B3GALT1: variants seen among roughly 807,000 people sequenced by gnomAD.
The protein encoded by B3GALT1 is UDP-Gal:betaGlcNAc beta 1,3-galactosyltransferase, polypeptide 1.
In B3GALT1, 10 loss-of-function variants were observed where a neutral mutation model predicts 23.2. The ratio of observed to expected loss-of-function variants is 0.43; its 90% CI spans 0.27 to 0.73. The LOEUF (loss-of-function observed/expected upper bound fraction) is 0.73, where lower values mean the gene tolerates loss of function less well. Ranked by LOEUF, B3GALT1 falls within the 30% of genes least tolerant of loss-of-function variation. B3GALT1 has a pLI of 0.21. For missense variants in B3GALT1, 299 were observed against 405.4 expected (o/e 0.74, Z 2.25); for synonymous variants, 156 against 141.5 (o/e 1.10, Z -0.73).
chr2:167,692,740 C>T (rs1379545116), intron 3 of B3GALT1, among the ~76,000 whole-genome samples: 1 of 152,048 alleles, frequency 6.6e-6, no homozygotes, highest in Non-Finnish European at 1.5e-5. Flanking sequence ...AACTCCAAAT[C>T]ATGAAAATCA....
chr2:167,412,406 A>C (rs890456285), intron 1 of B3GALT1, among the ~76,000 whole-genome samples: 27 of 152,220 alleles, frequency 1.8e-4, no homozygotes, highest in African/African-American at 6.5e-4. Context: ...ACAAATTGAT[A>C]ATCAAATGCA....
At chr2:167,337,352 C>G (rs577882981) in intron 1 of B3GALT1, among the ~76,000 whole-genome samples, 2 of 146,906 alleles carry the variant, frequency 1.4e-5, no homozygotes, top group Admixed American at 1.3e-4. Context: ...TGCGTGCTCA[C>G]ACACACACAC....
intron 2 of B3GALT1, among the ~76,000 whole-genome samples, chr2:167,615,168 G>A (rs1685138786): frequency 6.6e-6 from 1 of 152,032 alleles, no homozygotes; most frequent in Non-Finnish European, 1.5e-5. Context: ...AGAAATTGTA[G>A]TGTATATGCA....
At chr2:167,340,314 A>G (rs922734092) in intron 1 of B3GALT1, among the ~76,000 whole-genome samples, 5 of 112,492 alleles carry the variant, frequency 4.4e-5, no homozygotes, top group Non-Finnish European at 8.5e-5. Context: ...GTACAGGGAG[A>G]AAAAAAAAAA....
chr2:167,704,439 AT>A (rs1686939044), intron 3 of B3GALT1, among the ~76,000 whole-genome samples: 1 of 152,110 alleles, frequency 6.6e-6, no homozygotes, highest in Non-Finnish European at 1.5e-5. Flanking sequence ...AACCTTCCTA[AT>A]CCTTCTAAGC....
intron 3 of B3GALT1, among the ~76,000 whole-genome samples, chr2:167,790,098 C>T (rs1259074047): frequency 5.9e-5 from 9 of 152,090 alleles, no homozygotes; most frequent in Admixed American, 3.9e-4. Flanking sequence ...TCCCCTAGTC[C>T]GATAAATCTT....
intron 3 of B3GALT1, among the ~76,000 whole-genome samples, chr2:167,679,092 T>A (rs867652797): frequency 6.7e-6 from 1 of 148,584 alleles, no homozygotes. Flanking sequence ...CAACATTGTT[T>A]TTTGTTTTTG....
intron 3 of B3GALT1, among the ~76,000 whole-genome samples, chr2:167,685,213 A>C (rs950160093): frequency 1.3e-5 from 2 of 152,248 alleles, no homozygotes; most frequent in African/African-American, 4.8e-5. Flanking sequence ...TATTAAGCAC[A>C]TAAGTGTCAA....
At chr2:167,611,916 C>T (rs1685074485) in intron 2 of B3GALT1, among the ~76,000 whole-genome samples, 1 of 151,920 alleles carries the variant, frequency 6.6e-6, no homozygotes, top group African/African-American at 2.4e-5. Context: ...GAAATAAAAT[C>T]CATCATATTT....
intron 3 of B3GALT1, among the ~76,000 whole-genome samples, chr2:167,723,697 A>AT (rs1687267493): frequency 6.6e-6 from 1 of 151,802 alleles, no homozygotes; most frequent in Admixed American, 6.6e-5. Context: ...CACCCAGCTA[A>AT]TTTTTGTATT....
At chr2:167,584,580 C>T (rs1378995194) in intron 2 of B3GALT1, among the ~76,000 whole-genome samples, 1 of 152,184 alleles carries the variant, frequency 6.6e-6, no homozygotes, top group Non-Finnish European at 1.5e-5. Flanking sequence ...AGGTTGGGAG[C>T]TCAGTCCCCA....
chr2:167,663,350 C>T (rs943743330), intron 3 of B3GALT1, among the ~76,000 whole-genome samples: 19 of 151,798 alleles, frequency 1.3e-4, no homozygotes, highest in South Asian at 1.0e-3. Context: ...TTTCTTAATC[C>T]GGTCTATCAT....
At chr2:167,444,731 A>G (rs567978341) in intron 1 of B3GALT1, among the ~76,000 whole-genome samples, 1 of 152,022 alleles carries the variant, frequency 6.6e-6, no homozygotes, top group African/African-American at 2.4e-5. Context: ...ATCATTTTTT[A>G]TTGCATCTAT....
rs146472822 is a variant in B3GALT1, at chr2:167,520,877, A to G, written c.-410+30600A>G. Reference sequence around the variant, plus strand: ...AAGTTGGCTCAACGTTTACTTTTTCAGTCAGAATTGTATAAGCTGAATTAA... The same window carrying G: ...AAGTTGGCTCAACGTTTACTTTTTCGGTCAGAATTGTATAAGCTGAATTAA... On this transcript the variant is annotated intron_variant, in intron 2 of 4. Coordinates refer to ENST00000392690, the MANE Select transcript of B3GALT1 (RefSeq NM_020981.4). 1.2e-3 allele frequency among the ~76,000 whole-genome samples: 180 copies of G among 152,338 alleles called. 3 individuals carry two copies. Among genetic ancestry groups the G allele is most frequent in the African/African-American group, 4.2e-3 (173 of 41,590 alleles).
intron 2 of B3GALT1, among the ~76,000 whole-genome samples, chr2:167,637,976 G>A (rs1685588126): frequency 6.6e-6 from 1 of 151,918 alleles, no homozygotes. Flanking sequence ...TGGCTATAGT[G>A]AACAAAGCAG....
rs559798835 is a variant in B3GALT1 at position 167,547,226 on chromosome 2, C to A, written c.-410+56949C>A. On this transcript the variant is annotated intron_variant, in intron 2 of 4. Transcript: ENST00000392690. ...AGCCACATGTTTCAACAGATCCATACACAATTTATTTCCCTCTTGGTCAGC... is the reference window on the plus strand; with the variant it reads ...AGCCACATGTTTCAACAGATCCATAAACAATTTATTTCCCTCTTGGTCAGC... 2.6e-5 allele frequency among the ~76,000 whole-genome samples: 4 copies of A among 152,282 alleles called. No homozygotes were observed. In the South Asian group the frequency reaches 8.3e-4, roughly 32 times the overall value.
chr2:167,570,433 C>A (rs934391880), intron 2 of B3GALT1, among the ~76,000 whole-genome samples: 5 of 151,650 alleles, frequency 3.3e-5, no homozygotes, highest in Admixed American at 2.6e-4. Context: ...AATTTGTGAG[C>A]GTACAGTTGT....
intron 3 of B3GALT1, among the ~76,000 whole-genome samples, chr2:167,673,520 A>C (rs991908027): frequency 6.6e-6 from 1 of 151,978 alleles, no homozygotes; most frequent in Non-Finnish European, 1.5e-5. Flanking sequence ...CCTTAGTTCT[A>C]CCCATTTACT....
chr2:167,515,867 G>A (rs1218737607), intron 2 of B3GALT1, among the ~76,000 whole-genome samples: 4 of 151,874 alleles, frequency 2.6e-5, no homozygotes, highest in African/African-American at 4.8e-5. Context: ...TATGATTAAA[G>A]AATACTCCAG....
Sources: gnomAD v4.1 joint callset for allele counts (sites outside exome capture counted in the v4.1 genomes callset) on GRCh38, gnomAD v4.1.1 for gene constraint, MANE v1.5 for transcripts, NCBI Gene and HGNC (gene_info 2026-07-23, HGNC 2026-07-21) for gene names.